The following SLC1A1 variants were observed in gnomAD, a reference collection of about 807,000 sequenced individuals.
SLC1A1 encodes the protein solute carrier family 1 member 1, also known as excitatory amino acid transporter 3.
SLC1A1 carries 43 observed loss-of-function variants against 53.3 expected under a neutral mutation model. That is an observed-to-expected ratio of 0.81 (90% CI 0.63 to 1.04). SLC1A1 has a LOEUF of 1.04. Ranked by LOEUF, SLC1A1 falls within the 50% of genes least tolerant of loss-of-function variation. The pLI, the probability that SLC1A1 is intolerant of heterozygous loss-of-function variation, is 0.00. For missense variants in SLC1A1, 748 were observed against 664.9 expected (o/e 1.12, Z -1.37); for synonymous variants, 307 against 243.2 (o/e 1.26, Z -2.44).
chr9:4,534,318 A>C (rs1816592035), intron 1 of SLC1A1, among the ~76,000 whole-genome samples: 1 of 152,202 alleles, frequency 6.6e-6, no homozygotes, highest in South Asian at 2.1e-4. Flanking sequence ...TGCTAGCAAG[A>C]GTAATAAAGA....
chr9:4,511,791 C>T (rs978183728), intron 1 of SLC1A1, among the ~76,000 whole-genome samples: 2 of 152,112 alleles, frequency 1.3e-5, no homozygotes, highest in Non-Finnish European at 2.9e-5. Context: ...TGTCCCTATT[C>T]ACAGATGGCA....
intron 10 of SLC1A1, among the ~76,000 whole-genome samples, chr9:4,580,720 T>G (rs1030529593): frequency 1.4e-5 from 2 of 146,338 alleles, no homozygotes; most frequent in African/African-American, 5.1e-5. Context: ...AAAAAAAAAG[T>G]AGCAGTAGTA....
intron 1 of SLC1A1, among the ~76,000 whole-genome samples, chr9:4,529,360 C>T (rs973113078): frequency 1.3e-5 from 2 of 152,164 alleles, no homozygotes; most frequent in Non-Finnish European, 2.9e-5. Flanking sequence ...GCCAAGATAT[C>T]CCAGATTTCT....
intron 1 of SLC1A1, among the ~76,000 whole-genome samples, chr9:4,537,182 TTAAA>T (rs1019458658): frequency 1.3e-5 from 2 of 151,926 alleles, no homozygotes; most frequent in African/African-American, 2.4e-5. Context: ...ACCCTAAAAC[TTAAA>T]TAATAAAAAA....
intron 1 of SLC1A1, among the ~76,000 whole-genome samples, chr9:4,516,258 C>T (rs573585464): frequency 1.5e-4 from 23 of 152,268 alleles, no homozygotes; most frequent in Non-Finnish European, 2.8e-4. Flanking sequence ...AACATTTGAA[C>T]AACTGAACAC....
intron 10 of SLC1A1, among the ~76,000 whole-genome samples, chr9:4,580,562 C>T (rs1156817614): frequency 1.4e-5 from 2 of 140,218 alleles, no homozygotes; most frequent in Admixed American, 7.4e-5. Flanking sequence ...GCCTGGGCAA[C>T]AGAGTGAGAC....
intron 1 of SLC1A1, among the ~76,000 whole-genome samples, chr9:4,500,847 C>T (rs929588944): frequency 9.2e-5 from 14 of 152,168 alleles, no homozygotes; most frequent in Non-Finnish European, 7.3e-5. Flanking sequence ...AATAAATAGT[C>T]CTATACTTTC....
Position 4,587,425 on chromosome 9 carries a change from A to C in SLC1A1, c.*1867A>C, listed in dbSNP as rs1014577759. On this transcript the variant is annotated 3_prime_UTR_variant, in exon 12 of 12. Transcript: ENST00000262352. Reference sequence around the variant, plus strand: ...CACTGCTGTTAACTCATAAAAGAGAAGAGTGTTCCATTTCAGTCTCAATAA... The same window carrying C: ...CACTGCTGTTAACTCATAAAAGAGACGAGTGTTCCATTTCAGTCTCAATAA... 2.0e-5 allele frequency: 3 copies of C among 152,184 alleles called. No homozygotes were observed. Among genetic ancestry groups the C allele is most frequent in the Non-Finnish European group, 2.9e-5 (2 of 68,034 alleles). 9.4% of individuals were successfully genotyped at this position (152,184 alleles called of 1,614,324 possible).
intron 1 of SLC1A1, among the ~76,000 whole-genome samples, chr9:4,536,944 C>G (rs1816697578): frequency 6.6e-6 from 1 of 151,182 alleles, no homozygotes; most frequent in African/African-American, 2.4e-5. Context: ...ATTGCAAGGA[C>G]AAAAAACCAA....
rs192396615 is a variant in SLC1A1, at chr9:4,582,938, G to C, written c.1194-100G>C. ...AACTACCCAATTTAGGGACACAGCA[G>C]TAATAGCCATCGGGACTAAGCGGGA... On this transcript the variant is annotated intron_variant, in intron 10 of 11. Transcript: ENST00000262352. 11 of 1,457,544 alleles carry C rather than the reference G, an allele frequency of 7.5e-6. No individual in the cohort carries two copies. The East Asian group carries it at 1.8e-4, about 24-fold the overall frequency. The allele number at this position is 1,457,544 out of a possible 1,614,324, so 90.3% of individuals were successfully genotyped here.
At chr9:4,554,783 T>C (rs908457582) in intron 2 of SLC1A1, among the ~76,000 whole-genome samples, 5 of 152,262 alleles carry the variant, frequency 3.3e-5, no homozygotes, top group African/African-American at 1.2e-4. Context: ...ACCTGATTTA[T>C]GTTTTTAAAG....
chr9:4,572,369 A>G lies in SLC1A1; in HGVS notation c.748A>G (p.Ile250Val). Residue 250 changes from isoleucine to valine, a missense_variant, in exon 7 of 12, where the codon ATC (isoleucine) becomes GTC (valine). Transcript: ENST00000262352. ...FNALSDATMK[I>V]VQIIMCYMPL... ...TGCTTTGAGTGATGCAACCATGAAA[A>G]TCGTTCAGATCATCATGTGGTGAGC... 1 of 1,614,092 alleles carries G rather than the reference A, an allele frequency of 6.2e-7. No individual in the cohort carries two copies. Among genetic ancestry groups the G allele is most frequent in the Middle Eastern group, 1.6e-4 (1 of 6,062 alleles).
intron 1 of SLC1A1, among the ~76,000 whole-genome samples, chr9:4,534,721 T>C (rs942750837): frequency 6.7e-6 from 1 of 150,172 alleles, no homozygotes; most frequent in African/African-American, 2.5e-5. Flanking sequence ...GCCAGCATCA[T>C]CCTGCTACCA....
At chr9:4,535,274 T>C (rs1047261006) in intron 1 of SLC1A1, among the ~76,000 whole-genome samples, 4 of 152,156 alleles carry the variant, frequency 2.6e-5, no homozygotes, top group African/African-American at 9.7e-5. Flanking sequence ...ATTGTCCCTG[T>C]TTGCAGAAGA....
intron 1 of SLC1A1, among the ~76,000 whole-genome samples, chr9:4,515,064 C>T (rs1490603088): frequency 6.6e-6 from 1 of 152,076 alleles, no homozygotes; most frequent in South Asian, 2.1e-4. Context: ...CCCCCACCCC[C>T]ACTATACTCC....
chr9:4,543,453 T>A (rs963304520), intron 1 of SLC1A1, among the ~76,000 whole-genome samples: 1 of 152,192 alleles, frequency 6.6e-6, no homozygotes, highest in East Asian at 1.9e-4. Flanking sequence ...TGGAAGAGAA[T>A]AGAAATAAAA....
intron 5 of SLC1A1, among the ~76,000 whole-genome samples, chr9:4,566,869 A>C (rs1440404545): frequency 6.6e-6 from 1 of 152,156 alleles, no homozygotes; most frequent in African/African-American, 2.4e-5. Flanking sequence ...AGTCCATCAC[A>C]AACTGCTGTA....
chr9:4,500,055 A>G (rs1411340554), intron 1 of SLC1A1, among the ~76,000 whole-genome samples: 1 of 152,152 alleles, frequency 6.6e-6, no homozygotes, highest in Non-Finnish European at 1.5e-5. Flanking sequence ...AATTGTGATT[A>G]CCTTTAACAG....
At chr9:4,561,777 G>C (rs774542155) in intron 3 of SLC1A1, among the ~76,000 whole-genome samples, 2 of 152,160 alleles carry the variant, frequency 1.3e-5, no homozygotes, top group African/African-American at 4.8e-5. Context: ...TGTAGTCCCA[G>C]CTACTTGGGA....
Sources: allele counts gnomAD v4.1 joint callset (sites outside exome capture counted in the v4.1 genomes callset), GRCh38; gene constraint gnomAD v4.1.1; transcripts MANE v1.5; gene names NCBI Gene and HGNC (gene_info 2026-07-23, HGNC 2026-07-21).